AUTS2: variants seen among roughly 807,000 people sequenced by gnomAD.
AUTS2 encodes the protein activator of transcription and developmental regulator AUTS2.
In AUTS2, 17 loss-of-function variants were observed where a neutral mutation model predicts 112.4. That is an observed-to-expected ratio of 0.15 (90% CI 0.10 to 0.23). The LOEUF is 0.23. Ranked by LOEUF, AUTS2 falls within the 10% of genes least tolerant of loss-of-function variation. The pLI is 1.00. For synonymous variants in AUTS2, 751 were observed against 702.7 expected, an observed-to-expected ratio of 1.07 and a Z score of -1.09; for missense variants, 1,510 against 1,701.6, an observed-to-expected ratio of 0.89 and a Z score of 1.98.
intron 6 of AUTS2, among the ~76,000 whole-genome samples, chr7:70,727,789 A>G (rs1003429152): frequency 3.9e-5 from 6 of 152,366 alleles, no homozygotes; most frequent in African/African-American, 1.4e-4. Flanking sequence ...CTGACCTAAC[A>G]AGTTAAAATC....
chr7:70,405,614 G>T (rs1171321247), intron 4 of AUTS2, among the ~76,000 whole-genome samples: 2 of 152,150 alleles, frequency 1.3e-5, no homozygotes, highest in East Asian at 1.9e-4. Context: ...GATAAAGCGT[G>T]GTTGACAAAA....
At chr7:70,367,373 G>T (rs531578543) in intron 4 of AUTS2, among the ~76,000 whole-genome samples, 1 of 151,890 alleles carries the variant, frequency 6.6e-6, no homozygotes, top group Non-Finnish European at 1.5e-5. Flanking sequence ...TAGTTAACAC[G>T]GTGAAACCCC....
intron 5 of AUTS2, among the ~76,000 whole-genome samples, chr7:70,687,893 A>G (rs185638689): frequency 4.6e-5 from 7 of 152,332 alleles, no homozygotes; most frequent in African/African-American, 1.4e-4. Context: ...TACACAGAAG[A>G]AATCCCTGGG....
intron 1 of AUTS2, among the ~76,000 whole-genome samples, chr7:69,806,810 T>C (rs1265096440): frequency 2.0e-5 from 3 of 152,240 alleles, no homozygotes; most frequent in Non-Finnish European, 4.4e-5. Context: ...TTCTCTTCCA[T>C]AGTCGTCTTC....
chr7:70,179,474 C>T (rs1809183518), intron 4 of AUTS2, among the ~76,000 whole-genome samples: 1 of 152,188 alleles, frequency 6.6e-6, no homozygotes, highest in Non-Finnish European at 1.5e-5. Context: ...CACCTGCTAA[C>T]TTGGCAGACT....
chr7:70,733,452 AT>A (rs1226307344), intron 6 of AUTS2, among the ~76,000 whole-genome samples: 1 of 152,178 alleles, frequency 6.6e-6, no homozygotes, highest in Non-Finnish European at 1.5e-5. Flanking sequence ...TGTATGAAAA[AT>A]TTCAAACATA....
chr7:69,722,075 G>C (rs1469712084), intron 1 of AUTS2, among the ~76,000 whole-genome samples: 3 of 150,992 alleles, frequency 2.0e-5, no homozygotes, highest in Non-Finnish European at 4.4e-5. Context: ...TTATAGAGGG[G>C]ATAGAGAGCA....
chr7:70,717,575 T>G (rs1184592971), intron 6 of AUTS2, among the ~76,000 whole-genome samples: 2 of 152,194 alleles, frequency 1.3e-5, no homozygotes, highest in Non-Finnish European at 2.9e-5. Flanking sequence ...TTAATCCTTT[T>G]TTGCCTGTTC....
At chr7:70,633,627 A>T (rs896190421) in intron 5 of AUTS2, among the ~76,000 whole-genome samples, 4 of 151,570 alleles carry the variant, frequency 2.6e-5, no homozygotes, top group Non-Finnish European at 5.9e-5. Flanking sequence ...AAAAAAAAAA[A>T]AAGGACAGAA....
At chr7:70,207,060 A>C (rs928325736) in intron 4 of AUTS2, among the ~76,000 whole-genome samples, 1 of 152,232 alleles carries the variant, frequency 6.6e-6, no homozygotes, top group Non-Finnish European at 1.5e-5. Context: ...TCCTCATTAA[A>C]ATGTCATTAG....
chr7:70,712,534 CCT>C (rs1810117204), intron 6 of AUTS2, among the ~76,000 whole-genome samples: 1 of 152,168 alleles, frequency 6.6e-6, no homozygotes, highest in South Asian at 2.1e-4. Flanking sequence ...ATATCTGCAT[CCT>C]CTGAGTGGTT....
chr7:70,275,940 T>C (rs1787907156), intron 4 of AUTS2, among the ~76,000 whole-genome samples: 1 of 152,210 alleles, frequency 6.6e-6, no homozygotes, highest in Non-Finnish European at 1.5e-5. Context: ...TATAGCAGCA[T>C]GAGAACGTAT....
intron 17 of AUTS2, 44 bp from the exon 18 acceptor site, chr7:70,787,165 A>T (rs755888343): frequency 1.9e-6 from 3 of 1,589,838 alleles, no homozygotes; most frequent in Non-Finnish European, 2.6e-6. Flanking sequence ...AGCAGATTAT[A>T]TAATTTCTCT....
chr7:70,739,344 C>CCTT (rs1554474501), intron 6 of AUTS2, among the ~76,000 whole-genome samples: 2 of 135,074 alleles, frequency 1.5e-5, no homozygotes, highest in African/African-American at 5.6e-5. Context: ...CCTTTTTTTC[C>CCTT]TTTTTTTTTT....
chr7:70,766,802 G>A lies in AUTS2; in HGVS notation c.1689+468G>A, dbSNP rs1789975662. ...TGGGACTGCATTGGGTGCCACCTGT[G>A]CATTCCGATGGCTTCCCTAAACCCA... On this transcript the variant is annotated intron_variant, in intron 9 of 18. Transcript: ENST00000342771. The surrounding 1 kb of genome is among the most constrained non-coding windows in gnomAD (Gnocchi z 4.8). Among the ~76,000 whole-genome samples the A allele has an allele frequency of 6.6e-6, 1 of 152,174 alleles. No homozygotes were observed.
chr7:70,426,358 T>C (rs1795437873), intron 4 of AUTS2, among the ~76,000 whole-genome samples: 1 of 152,248 alleles, frequency 6.6e-6, no homozygotes, highest in Admixed American at 6.5e-5. Context: ...AGCACATTTC[T>C]AAACGAGGAC....
intron 1 of AUTS2, among the ~76,000 whole-genome samples, chr7:69,652,040 A>G (rs1432898427): frequency 2.0e-5 from 3 of 152,214 alleles, no homozygotes; most frequent in Non-Finnish European, 4.4e-5. Flanking sequence ...GATTAAATCG[A>G]ATGGTTAAGG....
At chr7:69,607,531 G>T (rs1157490678) in intron 1 of AUTS2, among the ~76,000 whole-genome samples, 2 of 152,186 alleles carry the variant, frequency 1.3e-5, no homozygotes, top group Non-Finnish European at 2.9e-5. Flanking sequence ...AAGGTGAATT[G>T]CTTGCCACAG....
At chr7:70,387,658 T>C (rs534135176) in intron 4 of AUTS2, among the ~76,000 whole-genome samples, 28 of 152,206 alleles carry the variant, frequency 1.8e-4, no homozygotes, top group Non-Finnish European at 3.5e-4. Flanking sequence ...GGTTGCAAAT[T>C]TGACTTTTTT....
Sources: allele counts gnomAD v4.1 joint callset (sites outside exome capture counted in the v4.1 genomes callset), GRCh38; gene constraint gnomAD v4.1.1; non-coding constraint Gnocchi (gnomAD v3.1); transcripts MANE v1.5; gene names NCBI Gene and HGNC (gene_info 2026-07-23, HGNC 2026-07-21).